MYH16: variants seen among roughly 807,000 people sequenced by gnomAD.
The protein encoded by MYH16 is myosin heavy chain 16, also known as putative uncharacterized protein MYH16.
intron 40 of MYH16, 85 bp downstream of exon 21, chr7:99,304,841 C>G (rs1429242906): frequency 2.0e-5 from 3 of 152,410 alleles, no homozygotes; most frequent in Non-Finnish European, 4.4e-5. Context: ...TGTCTTTTGC[C>G]AAAAACATGT....
exon 41 of MYH16, chr7:99,305,924 A>C (rs1205092397): frequency 1.3e-5 from 2 of 152,836 alleles, no homozygotes; most frequent in East Asian, 3.9e-4. Flanking sequence ...CGTCGCCTCA[A>C]AGAGCTGGTC....
At chr7:99,261,216 C>G (rs750671522) in intron 12 of MYH16, 1 of 152,224 alleles carries the variant, frequency 6.6e-6, no homozygotes, top group Non-Finnish European at 1.5e-5. Flanking sequence ...TCTCAGTCTT[C>G]CCTTCTGTTG....
intron 6 of MYH16, among the ~76,000 whole-genome samples, chr7:99,252,233 C>G (rs555347699): frequency 1.3e-5 from 2 of 152,032 alleles, no homozygotes; most frequent in Non-Finnish European, 2.9e-5. Context: ...ACAGAGGCAC[C>G]CAGCACCACC....
intron 37 of MYH16, among the ~76,000 whole-genome samples, chr7:99,300,617 G>A (rs1413716100): frequency 6.6e-6 from 1 of 152,084 alleles, no homozygotes; most frequent in African/African-American, 2.4e-5. Context: ...GACTGGCCTG[G>A]GCATCATAGC....
At chr7:99,279,345 C>A (rs1584350150) in intron 21 of MYH16, among the ~76,000 whole-genome samples, 165 bp from the exon 4 acceptor site, 1 of 95,944 alleles carries the variant, frequency 1.0e-5, no homozygotes, top group African/African-American at 4.5e-5. Context: ...GGCAACAAAG[C>A]AAAACCCTGA....
At chr7:99,287,593 T>A (rs1257411295) in intron 28 of MYH16, among the ~76,000 whole-genome samples, 1 of 147,390 alleles carries the variant, frequency 6.8e-6, no homozygotes, top group African/African-American at 2.5e-5. Flanking sequence ...CCTAAACCAG[T>A]ATGACATCTT....
chr7:99,249,731 T>A (rs947688818), intron 4 of MYH16, among the ~76,000 whole-genome samples: 1 of 151,898 alleles, frequency 6.6e-6, no homozygotes, highest in African/African-American at 2.4e-5. Flanking sequence ...ACTTTTTGTA[T>A]TTTTAATAGA....
rs185264058 is a variant in MYH16 at position 99,272,604 on chromosome 7, G to A, written n.2404-738G>A. Among the ~76,000 whole-genome samples, 12 of 152,060 alleles carry A rather than the reference G, an allele frequency of 7.9e-5. No homozygotes were observed. The East Asian group carries it at 1.9e-3, about 24-fold the overall frequency. On this transcript the variant is annotated intron_variant and non_coding_transcript_variant, in intron 19 of 41. Transcript: ENST00000439784. ...AAAAAAAAACAGAAACAAAAAATTC[G>A]CAGGTGGTGGTGCATGCCTGTAGTC...
At chr7:99,248,220 G>A (rs2150806376) in intron 3 of MYH16, among the ~76,000 whole-genome samples, 1 of 152,266 alleles carries the variant, frequency 6.6e-6, no homozygotes. Context: ...TCCTGCCTCA[G>A]CCTCCCAAGT....
At chr7:99,275,857 G>A (rs996517026) in intron 20 of MYH16, among the ~76,000 whole-genome samples, 23 of 152,274 alleles carry the variant, frequency 1.5e-4, no homozygotes, top group African/African-American at 3.8e-4. Context: ...TCAACCTCCC[G>A]AGTAGCTGGG....
Position 99,243,048 on chromosome 7 carries a change from C to T in MYH16, n.211-230C>T, listed in dbSNP as rs116442736. 1.4e-3 allele frequency among the ~76,000 whole-genome samples: 218 copies of T among 152,308 alleles called. 1 individual carries two copies. The highest frequency in any genetic ancestry group is 5.1e-3 in the African/African-American group (210 of 41,580). ...TCATATAATTCTCCCAGCAACCTGC[C>T]AAGGAGGCTACTGTCATCTCAACTT... On this transcript the variant is annotated intron_variant and non_coding_transcript_variant, in intron 1 of 41. Transcript: ENST00000439784.
intron 41 of MYH16, among the ~76,000 whole-genome samples, chr7:99,306,306 ATCACC>A (rs1792678294): frequency 6.6e-6 from 1 of 152,076 alleles, no homozygotes; most frequent in Non-Finnish European, 1.5e-5. Flanking sequence ...AGGTAGGTGG[ATCACC>A]TGAGGTCAGG....
chr7:99,248,897 T>C (rs547019535), intron 3 of MYH16: 11 of 152,746 alleles, frequency 7.2e-5, no homozygotes, highest in African/African-American at 2.6e-4. Flanking sequence ...CGGGTGGAAT[T>C]TGGGGAAGCG....
intron 33 of MYH16, among the ~76,000 whole-genome samples, chr7:99,295,272 G>A (rs1213394849): frequency 2.6e-5 from 4 of 151,804 alleles, no homozygotes; most frequent in Admixed American, 6.6e-5. Flanking sequence ...CCAGCTACTC[G>A]GGAGGCTGAG....
chr7:99,260,232 CAT>C (rs1791924530), exon 12 of MYH16: 6 of 1,609,928 alleles, frequency 3.7e-6, no homozygotes, highest in Non-Finnish European at 2.5e-6. Flanking sequence ...TCAACCACCA[CAT>C]GTTCGTGCTG....
At chr7:99,301,544 C>A (rs570343866) in intron 37 of MYH16, 57 bp from the exon 19 acceptor site, 1 of 152,888 alleles carries the variant, frequency 6.5e-6, no homozygotes, top group East Asian at 1.9e-4. Flanking sequence ...CTGGCCACCC[C>A]CAAGGTGATA....
rs143467965 is a variant in MYH16, at chr7:99,259,849, G to GTATATA, written n.1405-301_1405-296dup. Among the ~76,000 whole-genome samples, 14 of 145,042 alleles carry GTATATA rather than the reference G, an allele frequency of 9.7e-5. 1 individual carries two copies. Among genetic ancestry groups the GTATATA allele is most frequent in the African/African-American group, 2.5e-4 (10 of 39,594 alleles). On this transcript the variant is annotated intron_variant and non_coding_transcript_variant, in intron 11 of 41. Transcript: ENST00000439784. ...ATATTATATATATATGTATGTATGT[G>GTATATA]TATATATATATATATATATTTCTGT...
intron 23 of MYH16, among the ~76,000 whole-genome samples, chr7:99,281,859 GA>G (rs968473448): frequency 6.6e-6 from 1 of 152,166 alleles, no homozygotes; most frequent in Non-Finnish European, 1.5e-5. Flanking sequence ...CCAGACAGTG[GA>G]CCCCTCGTCC....
chr7:99,250,235 G>C (rs1240377300), intron 5 of MYH16, among the ~76,000 whole-genome samples: 1 of 152,204 alleles, frequency 6.6e-6, no homozygotes, highest in African/African-American at 2.4e-5. Context: ...GTCACACAGG[G>C]AGAAGGTGGC....
Sources: allele counts gnomAD v4.1 joint callset (sites outside exome capture counted in the v4.1 genomes callset), GRCh38; gene constraint gnomAD v4.1.1; transcripts MANE v1.5; gene names NCBI Gene and HGNC (gene_info 2026-07-23, HGNC 2026-07-21).